CEP192: variants seen among roughly 807,000 people sequenced by gnomAD.
CEP192 encodes centrosomal protein 192, also known as centrosomal protein of 192 kDa.
CEP192 carries 151 observed loss-of-function variants against 271.8 expected under a neutral mutation model. The ratio of observed to expected loss-of-function variants is 0.56; its 90% confidence interval spans 0.49 to 0.64. The LOEUF (loss-of-function observed/expected upper bound fraction) is 0.64, where lower values mean the gene tolerates loss of function less well. CEP192 is among the 30% of genes least tolerant of loss of function. The pLI is 0.00. For synonymous variants in CEP192, 995 were observed against 1,076.5 expected, an observed-to-expected ratio of 0.92 and a Z score of 1.48; for missense variants, 2,910 against 3,020.5, an observed-to-expected ratio of 0.96 and a Z score of 0.86.
At position 13,096,704 on chromosome 18, in the gene CEP192, G is replaced by T. The variant is rs538595899; in HGVS notation, c.6557+397G>T. Among the ~76,000 whole-genome samples the T allele has an allele frequency of 6.4e-4, 97 of 152,306 alleles. 2 individuals are homozygous for T. The South Asian group carries it at 0.019, about 30-fold the overall frequency. ...AACACTTCTGCCATTTCTTACCTTG[G>T]TTTGGGTTGTGTGTTCTGCTGGCTT... On this transcript the variant is annotated intron_variant, in intron 36 of 44. Coordinates refer to ENST00000506447, the MANE Select transcript of CEP192 (RefSeq NM_032142.4).
chr18:13,051,745 G>C (rs1009610320), intron 17 of CEP192, among the ~76,000 whole-genome samples: 2 of 152,040 alleles, frequency 1.3e-5, no homozygotes, highest in Non-Finnish European at 2.9e-5. Flanking sequence ...GGATTTCACC[G>C]TGTTAAACGG....
In CEP192 at chr18:13,086,998, A is replaced by G. The variant is rs1447111613; in HGVS notation, c.5617-19A>G. ...CTGCTTAACATTAAAATAATTTTGG[A>G]TATGTATATCTTTTTTAGATACCTT... On this transcript the variant is annotated intron_variant, in intron 30 of 44. Coordinates refer to ENST00000506447, the MANE Select transcript of CEP192 (RefSeq NM_032142.4). 1 of 1,546,906 alleles carries G rather than the reference A, an allele frequency of 6.5e-7. No individual in the cohort carries two copies. The highest frequency in any genetic ancestry group is 8.8e-7 in the Non-Finnish European group (1 of 1,132,106).
chr18:13,061,334 A>T (rs1197405921), intron 21 of CEP192, among the ~76,000 whole-genome samples: 2 of 152,210 alleles, frequency 1.3e-5, no homozygotes, highest in East Asian at 3.8e-4. Flanking sequence ...AAAAAAATAA[A>T]GTTAATTAGT....
intron 38 of CEP192, 32 bp downstream of exon 38, chr18:13,100,544 G>A (rs954172954): frequency 6.8e-7 from 1 of 1,480,464 alleles, no homozygotes; most frequent in African/African-American, 1.4e-5. Context: ...TAATTCAAAT[G>A]TCTGCTGATA....
At chr18:13,040,706 G>A in intron 13 of CEP192, 124 bp from the exon 14 acceptor site, 2 of 676,576 alleles carry the variant, frequency 3.0e-6, no homozygotes, top group Non-Finnish European at 4.7e-6. Flanking sequence ...GTAATTTGAG[G>A]TTAAGTGGGA....
chr18:13,072,740 T>A lies in CEP192; in HGVS notation c.5349-15T>A. 6.6e-7 allele frequency: 1 copy of A among 1,525,854 alleles called. No homozygotes were observed. Among genetic ancestry groups the A allele is most frequent in the Non-Finnish European group, 9.1e-7 (1 of 1,099,760 alleles). 94.5% of individuals were successfully genotyped at this position (1,525,854 alleles called of 1,614,324 possible). Reference sequence around the variant, plus strand: ...ATGGAGAAAAACCATATTTAAAATGTCTAATTGTTTTTAGGCTTCAGAAAC... The same window carrying A: ...ATGGAGAAAAACCATATTTAAAATGACTAATTGTTTTTAGGCTTCAGAAAC... On this transcript the variant is annotated splice_polypyrimidine_tract_variant and intron_variant, in intron 28 of 44. Transcript: ENST00000506447.
chr18:13,107,859 G>A (rs112574061), intron 40 of CEP192, among the ~76,000 whole-genome samples: 2,108 of 140,154 alleles, frequency 0.015, 57 homozygotes, highest in African/African-American at 0.053. Flanking sequence ...GAGTTAAAGC[G>A]ATTAGAAATA....
intron 29 of CEP192, 43 bp downstream of exon 29, chr18:13,072,888 T>A: frequency 6.5e-7 from 1 of 1,547,872 alleles, no homozygotes; most frequent in Non-Finnish European, 8.9e-7. Context: ...TCTGTCTGGG[T>A]CTGGAACACT....
intron 21 of CEP192, among the ~76,000 whole-genome samples, chr18:13,060,929 G>A (rs1410514759): frequency 8.1e-5 from 12 of 148,194 alleles, no homozygotes; most frequent in Non-Finnish European, 1.2e-4. Flanking sequence ...GTCTTAAAAG[G>A]AAAAAAAAAA....
At chr18:13,063,066 T>C (rs1402449605) in intron 21 of CEP192, among the ~76,000 whole-genome samples, 1 of 152,264 alleles carries the variant, frequency 6.6e-6, no homozygotes, top group East Asian at 1.9e-4. Flanking sequence ...ATCTCATTCT[T>C]CCTATGGCTG....
chr18:12,999,633 A>G (rs781289896), intron 2 of CEP192, 45 bp downstream of exon 2: 133 of 1,358,178 alleles, frequency 9.8e-5, no homozygotes, highest in Non-Finnish European at 5.6e-5. Flanking sequence ...CATAAAGCCT[A>G]TAGCATGCTG....
chr18:13,056,335 G>T lies in CEP192; in HGVS notation c.3745G>T (p.Ala1249Ser). ...DMQNMPAAVH[A>S]LLTQPSLSAA... Reference sequence around the variant, plus strand: ...GCAGAACATGCCTGCTGCTGTGCACGCACTCTTGACACAACCCTCTCTCAG... The same window carrying T: ...GCAGAACATGCCTGCTGCTGTGCACTCACTCTTGACACAACCCTCTCTCAG... The change falls in exon 19 of 45, where the codon GCA becomes TCA. Residue 1249 changes from alanine to serine, a missense_variant. Transcript: ENST00000506447. 1.2e-6 allele frequency: 2 copies of T among 1,614,176 alleles called. No individual in the cohort carries two copies. Among genetic ancestry groups the T allele is most frequent in the African/African-American group, 2.7e-5 (2 of 75,052 alleles).
At chr18:13,060,016 A>G (rs575780009) in intron 21 of CEP192, among the ~76,000 whole-genome samples, 1 of 152,306 alleles carries the variant, frequency 6.6e-6, no homozygotes, top group Admixed American at 6.5e-5. Flanking sequence ...AGAGGGAGAG[A>G]TGGGAGGGTG....
At chr18:12,998,030 A>T (rs962196581) in intron 1 of CEP192, among the ~76,000 whole-genome samples, 3 of 152,106 alleles carry the variant, frequency 2.0e-5, no homozygotes, top group Non-Finnish European at 4.4e-5. Context: ...TGGCCTCATA[A>T]TCTCTTTAGT....
At position 13,110,771 on chromosome 18, in the gene CEP192, A is replaced by G. The variant is rs76161142; in HGVS notation, c.7048-2815A>G. On this transcript the variant is annotated intron_variant, in intron 40 of 44. Coordinates refer to ENST00000506447, the MANE Select transcript of CEP192 (RefSeq NM_032142.4). ...CCTTCAGTCTGTGGCCAAACTGACT[A>G]TCAGAGGGCCCCTGGCCAAACACTT... Among the ~76,000 whole-genome samples, 1,162 of 152,354 alleles carry G rather than the reference A, an allele frequency of 7.6e-3. 17 individuals carry two copies. Among genetic ancestry groups the G allele is most frequent in the African/African-American group, 0.026 (1,091 of 41,584 alleles).
chr18:13,069,877 T>C (rs199992852), intron 27 of CEP192, 21 bp downstream of exon 27: 358 of 1,409,808 alleles, frequency 2.5e-4, no homozygotes, highest in South Asian at 2.4e-4. Flanking sequence ...AATGTTATAA[T>C]GGACCGGGCA....
chr18:13,040,459 A>G (rs1282239566), intron 13 of CEP192, among the ~76,000 whole-genome samples: 1 of 152,172 alleles, frequency 6.6e-6, no homozygotes, highest in Non-Finnish European at 1.5e-5. Context: ...CTTAATACAC[A>G]TTTTTCAAGG....
At chr18:13,051,927 A>C (rs553657236) in intron 17 of CEP192, among the ~76,000 whole-genome samples, 2 of 152,240 alleles carry the variant, frequency 1.3e-5, no homozygotes, top group African/African-American at 4.8e-5. Context: ...TGAACTTTGT[A>C]CAAAAAAGAA....
At chr18:13,106,338 T>G (rs490853) in intron 40 of CEP192, among the ~76,000 whole-genome samples, 1 of 151,040 alleles carries the variant, frequency 6.6e-6, no homozygotes, top group Non-Finnish European at 1.5e-5. Context: ...ACCATCATCT[T>G]CTGCACAATG....
Sources: allele counts gnomAD v4.1 joint callset (sites outside exome capture counted in the v4.1 genomes callset), GRCh38; gene constraint gnomAD v4.1.1; transcripts MANE v1.5; gene names NCBI Gene and HGNC (gene_info 2026-07-23, HGNC 2026-07-21).